Variants in LOC128462377 observed in about 807,000 individuals in gnomAD.
the LOC128462377 span, among the ~76,000 whole-genome samples, chr16:89,413,517 T>C: frequency 1.3e-5 from 2 of 151,862 alleles, no homozygotes; most frequent in African/African-American, 2.4e-5. Flanking sequence ...CCCAGCTACT[T>C]GGGAGGCTGA....
the LOC128462377 span, among the ~76,000 whole-genome samples, chr16:89,372,007 C>A: frequency 6.6e-6 from 1 of 152,138 alleles, no homozygotes; most frequent in Non-Finnish European, 1.5e-5. Context: ...CGGTTTGTCA[C>A]GGGCCAAGAA....
chr16:89,334,362 T>G, the LOC128462377 span, among the ~76,000 whole-genome samples: 6 of 151,948 alleles, frequency 3.9e-5, no homozygotes, highest in East Asian at 5.8e-4. Flanking sequence ...ACCCCAAGAC[T>G]GAACAGAAAC....
chr16:89,396,428 A>G, the LOC128462377 span, among the ~76,000 whole-genome samples: 9 of 152,308 alleles, frequency 5.9e-5, no homozygotes, highest in African/African-American at 2.2e-4. Context: ...CTGCTGCTGG[A>G]AACGCTCACA....
chr16:89,342,077 G>GGCCCACGGCAGGAGTGCTGCACCTCCA, the LOC128462377 span, among the ~76,000 whole-genome samples: 27 of 53,774 alleles, frequency 5.0e-4, 5 homozygotes, highest in East Asian at 7.7e-3. Context: ...CACCTCCACC[G>GGCCCACGGCAGGAGTGCTGCACCTCCA]CCCACAGCTC....
the LOC128462377 span, among the ~76,000 whole-genome samples, chr16:89,351,706 C>T: frequency 6.6e-6 from 1 of 152,132 alleles, no homozygotes. Context: ...CACAAAATGA[C>T]CAGAACAGCA....
the LOC128462377 span, among the ~76,000 whole-genome samples, chr16:89,396,439 G>A: frequency 0.56 from 85,026 of 151,906 alleles, 23,933 homozygotes; most frequent in Middle Eastern, 0.73. Flanking sequence ...AACGCTCACA[G>A]CACAAACACC....
the LOC128462377 span, among the ~76,000 whole-genome samples, chr16:89,404,161 G>A: frequency 6.6e-6 from 1 of 152,172 alleles, no homozygotes; most frequent in Non-Finnish European, 1.5e-5. Context: ...CATGGACACA[G>A]CCCACAGGTG....
chr16:89,372,280 A>C, the LOC128462377 span, among the ~76,000 whole-genome samples: 1 of 152,188 alleles, frequency 6.6e-6, no homozygotes, highest in Admixed American at 6.5e-5. Flanking sequence ...TGAGATTAAG[A>C]GGGGCTCTGG....
At chr16:89,361,592 C>G in the LOC128462377 span, 2 of 152,270 alleles carry the variant, frequency 1.3e-5, no homozygotes, top group Non-Finnish European at 2.9e-5. Flanking sequence ...GCAGGCAGCA[C>G]TGAGGCCCAT....
chr16:89,386,027 G>A, the LOC128462377 span, among the ~76,000 whole-genome samples: 1 of 152,254 alleles, frequency 6.6e-6, no homozygotes, highest in Non-Finnish European at 1.5e-5. Context: ...CCACGGGTGT[G>A]CGCCGCCATG....
At chr16:89,403,058 G>A in the LOC128462377 span, among the ~76,000 whole-genome samples, 3 of 152,182 alleles carry the variant, frequency 2.0e-5, no homozygotes, top group African/African-American at 7.2e-5. Context: ...CAACTGCGTG[G>A]TGGCGGGTGG....
the LOC128462377 span, among the ~76,000 whole-genome samples, chr16:89,376,908 G>A: frequency 8.5e-5 from 13 of 152,314 alleles, no homozygotes; most frequent in South Asian, 2.3e-3. Context: ...GATAAGGACT[G>A]CCTTTATCTA....
the LOC128462377 span, among the ~76,000 whole-genome samples, chr16:89,355,993 A>T: frequency 6.6e-6 from 1 of 152,170 alleles, no homozygotes; most frequent in African/African-American, 2.4e-5. Context: ...GGAGGATCAC[A>T]TGAGCCCCGC....
chr16:89,398,534 C>A, the LOC128462377 span, among the ~76,000 whole-genome samples: 2 of 152,128 alleles, frequency 1.3e-5, no homozygotes, highest in African/African-American at 4.8e-5. Flanking sequence ...CTGGGCAACA[C>A]AGGGAGACCC....
chr16:89,416,603 T>C, the LOC128462377 span, among the ~76,000 whole-genome samples: 3 of 151,382 alleles, frequency 2.0e-5, no homozygotes, highest in Non-Finnish European at 4.4e-5. Flanking sequence ...TGGCCACTAA[T>C]TGCTGATTAA....
the LOC128462377 span, among the ~76,000 whole-genome samples, chr16:89,339,065 A>C: frequency 8.5e-4 from 129 of 152,212 alleles, no homozygotes; most frequent in South Asian, 4.6e-3. Flanking sequence ...AACCAGGAGG[A>C]CAGACGTCCT....
chr16:89,351,052 C>T, the LOC128462377 span, among the ~76,000 whole-genome samples: 3 of 152,130 alleles, frequency 2.0e-5, no homozygotes, highest in Admixed American at 6.5e-5. Flanking sequence ...AGGATGCATC[C>T]CCCGACCGCT....
chr16:89,396,981 G>C, the LOC128462377 span, among the ~76,000 whole-genome samples: 1 of 152,062 alleles, frequency 6.6e-6, no homozygotes, highest in Non-Finnish European at 1.5e-5. Context: ...TGAGCCAGGG[G>C]ACTTGACCAG....
chr16:89,326,810 G>GC, the LOC128462377 span, among the ~76,000 whole-genome samples: 9 of 152,300 alleles, frequency 5.9e-5, 1 homozygote, highest in Admixed American at 2.6e-4. Context: ...CCAGAGCAGT[G>GC]CCCCAAAGCA....
Sources: allele counts gnomAD v4.1 joint callset (sites outside exome capture counted in the v4.1 genomes callset), GRCh38; gene constraint gnomAD v4.1.1; transcripts MANE v1.5.